The following LATS2 variants were observed in gnomAD, a reference collection of about 807,000 sequenced individuals.
LATS2 encodes large tumor suppressor kinase 2, also known as serine/threonine-protein kinase LATS2.
In LATS2, 24 loss-of-function variants were observed where a neutral mutation model predicts 76.0. The observed-to-expected ratio is 0.32, with a 90% CI of 0.23 to 0.44. The LOEUF (loss-of-function observed/expected upper bound fraction) is 0.44. Among genes scored for constraint, LATS2 ranks in the 20% least tolerant of loss-of-function variants. LATS2 has a pLI of 1.00. For synonymous variants in LATS2, 692 were observed against 635.4 expected, an observed-to-expected ratio of 1.09 and a Z score of -1.34; for missense variants, 1,286 against 1,481.2, an observed-to-expected ratio of 0.87 and a Z score of 2.16.
chr13:21,005,666 A>G (rs1871234338), intron 2 of LATS2: 1 of 152,106 alleles, frequency 6.6e-6, no homozygotes, highest in Non-Finnish European at 1.5e-5. Flanking sequence ...GTCTTCATAA[A>G]GGAAAGGAAA....
chr13:21,050,402 T>C (rs1873235182), intron 1 of LATS2, among the ~76,000 whole-genome samples: 1 of 152,098 alleles, frequency 6.6e-6, no homozygotes, highest in Non-Finnish European at 1.5e-5. Flanking sequence ...ACCACCTTCA[T>C]GTCATCTAAC....
chr13:20,978,443 A>G (rs1339991306), intron 7 of LATS2, among the ~76,000 whole-genome samples: 4 of 152,232 alleles, frequency 2.6e-5, no homozygotes, highest in Non-Finnish European at 5.9e-5. Flanking sequence ...ATAATTTAGT[A>G]TTAAATGACT....
chr13:20,981,654 C>T lies in LATS2; in HGVS notation c.2483-6G>A. On this transcript the variant is annotated splice_region_variant and splice_polypyrimidine_tract_variant and intron_variant, in intron 5 of 7. Coordinates refer to ENST00000382592, the MANE Select transcript of LATS2 (RefSeq NM_014572.3). Reference sequence around the variant, plus strand: ...GTCCTGTCTGACATGGCTCCCTTCACCCAGGAATCAGGGATAGTGAAAGAA... The same window carrying T: ...GTCCTGTCTGACATGGCTCCCTTCATCCAGGAATCAGGGATAGTGAAAGAA... 6.3e-7 allele frequency: 1 copy of T among 1,588,474 alleles called. No homozygotes were observed. Among genetic ancestry groups the T allele is most frequent in the Non-Finnish European group, 8.6e-7 (1 of 1,169,184 alleles).
chr13:21,041,837 T>C (rs765329451), intron 2 of LATS2, among the ~76,000 whole-genome samples: 1 of 152,118 alleles, frequency 6.6e-6, no homozygotes, highest in Non-Finnish European at 1.5e-5. Flanking sequence ...ACAGGACTCA[T>C]AGGCACCATC....
At chr13:21,026,228 T>G (rs1222025067) in intron 2 of LATS2, among the ~76,000 whole-genome samples, 1 of 152,160 alleles carries the variant, frequency 6.6e-6, no homozygotes, top group Admixed American at 6.6e-5. Flanking sequence ...TACAGAATAT[T>G]TCCATCAATC....
At chr13:20,987,731 AGTT>A in intron 4 of LATS2, 147 bp downstream of exon 4, 3 of 841,032 alleles carry the variant, frequency 3.6e-6, no homozygotes, top group Non-Finnish European at 5.5e-6. Flanking sequence ...AACTTCTCCA[AGTT>A]GTTGGCCCCA....
chr13:21,031,802 C>T (rs1785842513), intron 2 of LATS2, among the ~76,000 whole-genome samples: 1 of 152,124 alleles, frequency 6.6e-6, no homozygotes, highest in African/African-American at 2.4e-5. Flanking sequence ...CTGCAGTGAG[C>T]TGTGATGGCA....
At position 21,011,233 on chromosome 13, in the gene LATS2, T is replaced by C. The variant is rs528269517; in HGVS notation, c.343-19829A>G. The stretch of plus-strand genomic sequence containing the variant: ...TTTGAAATACCTGCTTTTCCTCACT[T>C]GTCCTGAATCAAAAACTGAAACTAG... On this transcript the variant is annotated intron_variant, in intron 2 of 7. Transcript: ENST00000382592. Among the ~76,000 whole-genome samples the C allele has an allele frequency of 7.9e-5, 12 of 152,342 alleles. No individual in the cohort carries two copies. In the East Asian group the frequency reaches 1.2e-3, roughly 15 times the overall value.
intron 1 of LATS2, among the ~76,000 whole-genome samples, chr13:21,050,218 G>T (rs1367125220): frequency 6.6e-6 from 1 of 151,364 alleles, no homozygotes; most frequent in African/African-American, 2.4e-5. Context: ...AAGGCTTTTG[G>T]GGGTGGAGGG....
At chr13:20,978,753 T>C (rs1446980358) in intron 7 of LATS2, among the ~76,000 whole-genome samples, 1 of 152,042 alleles carries the variant, frequency 6.6e-6, no homozygotes, top group Non-Finnish European at 1.5e-5. Flanking sequence ...GTAAACCTAT[T>C]TTCTCTTCTT....
At chr13:21,000,304 C>T (rs1391327396) in intron 2 of LATS2, among the ~76,000 whole-genome samples, 1 of 151,928 alleles carries the variant, frequency 6.6e-6, no homozygotes, top group East Asian at 1.9e-4. Flanking sequence ...TCACTTCAAC[C>T]CAGGAGGTGG....
intron 1 of LATS2, among the ~76,000 whole-genome samples, chr13:21,054,335 G>A (rs2138417177): frequency 6.6e-6 from 1 of 152,240 alleles, no homozygotes; most frequent in Middle Eastern, 3.4e-3. Context: ...TTGAACCTGG[G>A]AGGCGGGGGC....
intron 2 of LATS2, among the ~76,000 whole-genome samples, chr13:21,033,729 C>G (rs1872606098): frequency 6.7e-6 from 1 of 150,042 alleles, no homozygotes; most frequent in Non-Finnish European, 1.5e-5. Context: ...CAGCTCTCTG[C>G]TGACTAACAG....
chr13:21,044,603 T>TATAAAATGGAACCA (rs1236060926), intron 2 of LATS2, among the ~76,000 whole-genome samples: 1 of 152,156 alleles, frequency 6.6e-6, no homozygotes, highest in Non-Finnish European at 1.5e-5. Context: ...CTAGTTCCAT[T>TATAAAATGGAACCA]TTATATGGTC....
At chr13:21,021,945 C>T (rs1872081590) in intron 2 of LATS2, among the ~76,000 whole-genome samples, 1 of 152,202 alleles carries the variant, frequency 6.6e-6, no homozygotes. Context: ...AAAATCTTTA[C>T]TTAGACTATC....
intron 2 of LATS2, among the ~76,000 whole-genome samples, chr13:21,016,422 T>TA (rs1168433140): frequency 1.3e-5 from 2 of 152,038 alleles, no homozygotes; most frequent in Non-Finnish European, 2.9e-5. Context: ...TAACTGGGAT[T>TA]ATAGGTACAT....
At chr13:21,045,629 G>T in intron 2 of LATS2, 56 bp downstream of exon 2, 1 of 1,387,930 alleles carries the variant, frequency 7.2e-7, no homozygotes, top group Non-Finnish European at 9.9e-7. Flanking sequence ...CATTCTGACT[G>T]CCCCAGCTGT....
chr13:21,030,885 T>G (rs1385503121), intron 2 of LATS2, among the ~76,000 whole-genome samples: 1 of 152,086 alleles, frequency 6.6e-6, no homozygotes, highest in African/African-American at 2.4e-5. Flanking sequence ...CCCTTTAATA[T>G]TTCTTTTAAT....
intron 2 of LATS2, among the ~76,000 whole-genome samples, chr13:21,044,497 G>T (rs958162410): frequency 6.6e-6 from 1 of 152,154 alleles, no homozygotes; most frequent in Admixed American, 6.6e-5. Flanking sequence ...TAAGATGACA[G>T]ATTGTAATAA....
Sources: allele counts gnomAD v4.1 joint callset (sites outside exome capture counted in the v4.1 genomes callset), GRCh38; gene constraint gnomAD v4.1.1; transcripts MANE v1.5; gene names NCBI Gene and HGNC (gene_info 2026-07-23, HGNC 2026-07-21).